Variants in TENT5D observed in about 807,000 individuals in gnomAD.
The protein encoded by TENT5D is terminal nucleotidyltransferase 5D.
For missense variants in TENT5D, 191 were observed against 287.0 expected (o/e 0.67, Z 2.42); for synonymous variants, 103 against 100.6 (o/e 1.02, Z -0.15).
chrX:80,341,160 A>G (rs1285772947), intron 2 of TENT5D, among the ~76,000 whole-genome samples: 1 of 112,415 alleles, frequency 8.9e-6, no homozygotes, highest in Admixed American at 9.4e-5. Flanking sequence ...CATTTGCAAA[A>G]ATTCTCTGAA....
intron 3 of TENT5D, among the ~76,000 whole-genome samples, chrX:80,411,725 C>A (rs1257149698): frequency 8.9e-6 from 1 of 112,211 alleles, no homozygotes; most frequent in Non-Finnish European, 1.9e-5. Flanking sequence ...TAATAACTAT[C>A]AATTATTTAG....
At chrX:80,338,522 C>T (rs1184197667) in intron 2 of TENT5D, among the ~76,000 whole-genome samples, 1 of 112,115 alleles carries the variant, frequency 8.9e-6, no homozygotes, top group Non-Finnish European at 1.9e-5. Context: ...ATTAATTATG[C>T]TTAGTTCTCT....
chrX:80,414,643 AAG>A (rs1453389763), intron 3 of TENT5D, among the ~76,000 whole-genome samples: 1 of 112,147 alleles, frequency 8.9e-6, no homozygotes, highest in Non-Finnish European at 1.9e-5. Flanking sequence ...AGAAGTAGAT[AAG>A]AGACAAAAGG....
In TENT5D at chrX:80,386,167, C is replaced by A. The variant is rs766164086; in HGVS notation, c.-142+43603C>A. Among the ~76,000 whole-genome samples the A allele has an allele frequency of 9.8e-5, 11 of 112,228 alleles. No individual in the cohort carries two copies. In the South Asian group the frequency reaches 1.1e-3, roughly 11 times the overall value. On this transcript the variant is annotated intron_variant, in intron 3 of 4. Coordinates refer to the TENT5D transcript ENST00000538312. ...TATTCACAGTAGCAAAGATTTGGAA[C>A]CAACCCAAATGTCCATCAATGATAG...
intron 3 of TENT5D, among the ~76,000 whole-genome samples, chrX:80,393,086 C>A (rs919703110): frequency 1.8e-5 from 2 of 109,434 alleles, no homozygotes; most frequent in Admixed American, 9.8e-5. Flanking sequence ...TTTTTATATT[C>A]TTTGTGAATT....
chrX:80,398,430 A>G (rs1386737815), intron 3 of TENT5D, among the ~76,000 whole-genome samples: 1 of 109,916 alleles, frequency 9.1e-6, no homozygotes, highest in Non-Finnish European at 1.9e-5. Context: ...TTTGTTTTTT[A>G]TTTGCTTTTG....
chrX:80,341,856 C>T (rs898535531), intron 2 of TENT5D, among the ~76,000 whole-genome samples: 1 of 105,950 alleles, frequency 9.4e-6, no homozygotes, highest in Non-Finnish European at 1.9e-5. Context: ...GGACTACAGG[C>T]GCCCGCTACC....
chrX:80,365,701 C>T (rs990329075), intron 3 of TENT5D, among the ~76,000 whole-genome samples: 4 of 109,393 alleles, frequency 3.7e-5, no homozygotes, highest in South Asian at 4.0e-4. Flanking sequence ...ATTATCCAGG[C>T]GCGGTGGCAG....
chrX:80,352,454 C>T (rs1930197917), intron 3 of TENT5D, among the ~76,000 whole-genome samples: 1 of 110,911 alleles, frequency 9.0e-6, no homozygotes, highest in African/African-American at 3.3e-5. Context: ...GCCTTTTTAG[C>T]GCTGTCGGGG....
intron 3 of TENT5D, among the ~76,000 whole-genome samples, chrX:80,372,621 T>C (rs1178567829): frequency 9.0e-6 from 1 of 111,020 alleles, no homozygotes; most frequent in East Asian, 2.8e-4. Context: ...GTGCGGTGGC[T>C]CATTCCTGTA....
exon 3 of TENT5D, chrX:80,444,567 A>T: frequency 8.2e-6 from 1 of 122,646 alleles, no homozygotes; most frequent in Admixed American, 9.6e-5. Flanking sequence ...GGAAAAAAAC[A>T]GGCAGAGGTT....
At chrX:80,417,964 C>T (rs1344341006), upstream of TENT5D, among the ~76,000 whole-genome samples, 1 of 109,880 alleles carries the variant, frequency 9.1e-6, no homozygotes, top group African/African-American at 3.3e-5. Context: ...TAGACTTGGT[C>T]GCTTTACATA....
chrX:80,421,342 C>T (rs1352372417), intron 1 of TENT5D, among the ~76,000 whole-genome samples: 1 of 111,166 alleles, frequency 9.0e-6, no homozygotes, highest in African/African-American at 3.3e-5. Flanking sequence ...TGCACCACCA[C>T]ACCCAGCTAA....
chrX:80,341,215 C>T (rs905149757), intron 2 of TENT5D, among the ~76,000 whole-genome samples: 1 of 112,050 alleles, frequency 8.9e-6, no homozygotes, highest in Non-Finnish European at 1.9e-5. Context: ...GTAGAAATAG[C>T]TATTTTACTG....
At chrX:80,392,763 G>A (rs61495726) in intron 3 of TENT5D, among the ~76,000 whole-genome samples, 13,440 of 106,166 alleles carry the variant, frequency 0.13, 1,020 homozygotes, top group East Asian at 0.48. Flanking sequence ...TGATCCACCC[G>A]CCTCGGCCTC....
chrX:80,360,910 G>T (rs184840877), intron 3 of TENT5D, among the ~76,000 whole-genome samples: 1 of 111,913 alleles, frequency 8.9e-6, no homozygotes, highest in African/African-American at 3.2e-5. Context: ...GCTGGACATG[G>T]TAGCTCTTAA....
At chrX:80,398,197 T>C (rs1931323025) in intron 3 of TENT5D, among the ~76,000 whole-genome samples, 1 of 112,324 alleles carries the variant, frequency 8.9e-6, no homozygotes, top group Admixed American at 9.4e-5. Flanking sequence ...AAGTATCTGT[T>C]GGCCATTTGT....
At chrX:80,423,938 T>TA (rs1931937148) in intron 1 of TENT5D, among the ~76,000 whole-genome samples, 1 of 111,310 alleles carries the variant, frequency 9.0e-6, no homozygotes, top group Non-Finnish European at 1.9e-5. Context: ...CAAGTTTTCT[T>TA]ATCTGTGCCT....
chrX:80,373,031 T>C (rs1930656827), intron 3 of TENT5D, among the ~76,000 whole-genome samples: 1 of 110,643 alleles, frequency 9.0e-6, no homozygotes, highest in Admixed American at 9.7e-5. Context: ...CAATACAATT[T>C]GTCTGCTCTT....
Sources: gnomAD v4.1 joint callset for allele counts (sites outside exome capture counted in the v4.1 genomes callset) on GRCh38, gnomAD v4.1.1 for gene constraint, MANE v1.5 for transcripts, NCBI Gene and HGNC (gene_info 2026-07-23, HGNC 2026-07-21) for gene names.